The following RPL37 variants were observed in gnomAD, a reference collection of about 807,000 sequenced individuals.
The protein encoded by RPL37 is large ribosomal subunit protein eL37.
RPL37 carries 1 observed loss-of-function variant against 14.8 expected under a neutral mutation model. The ratio of observed to expected loss-of-function variants is 0.07; its 90% confidence interval spans 0.02 to 0.32. The LOEUF (loss-of-function observed/expected upper bound fraction) is 0.32, where lower values mean the gene tolerates loss of function less well. Among genes scored for constraint, RPL37 ranks in the 10% least tolerant of loss-of-function variants. The probability of loss-of-function intolerance (pLI) is 1.00; values close to 1 mark genes in which losing one functional copy is unlikely to be tolerated. For synonymous variants in RPL37, 53 were observed against 45.8 expected (o/e 1.16, Z -0.63); for missense variants, 100 against 128.3 (o/e 0.78, Z 1.06).
intron 1 of RPL37, chr5:40,834,879 A>G (rs1264817720): frequency 2.0e-5 from 12 of 605,940 alleles, no homozygotes; most frequent in Non-Finnish European, 3.5e-5. Flanking sequence ...ATTGTTACAC[A>G]GAGCCAAACA....
At position 40,826,588 on chromosome 5, in the gene RPL37, T is replaced by C. The variant is rs565034273; in HGVS notation, c.*5916A>G. 6.6e-6 allele frequency: 1 copy of C among 152,314 alleles called. No homozygotes were observed. Among genetic ancestry groups the C allele is most frequent in the Admixed American group, 6.5e-5 (1 of 15,296 alleles). The allele number at this position is 152,314 out of a possible 1,614,324, so 9.4% of individuals were successfully genotyped here. A position where few individuals can be genotyped will look rare whatever the true frequency, so the allele number is the denominator to read the frequency against. ...TCAGAGAGCTTTGAAATGTGTTTCG[T>C]ACAACCATTTAGCTGGGGAGCCCAG... On this transcript the variant is annotated 3_prime_UTR_variant, in exon 4 of 4. Coordinates refer to ENST00000274242, the MANE Select transcript of RPL37 (RefSeq NM_000997.5).
At position 40,829,684 on chromosome 5, in the gene RPL37, T is replaced by TAC. The variant is rs1745596936; in HGVS notation, c.*2819_*2820insGT. On this transcript the variant is annotated 3_prime_UTR_variant, in exon 4 of 4. Transcript: ENST00000274242. ...TAGTGTGTGTGTGTGTGTGTATATA[T>TAC]ATATATATATATATCAACAATATAT... 7 of 151,572 alleles carry TAC rather than the reference T, an allele frequency of 4.6e-5. No homozygotes were observed. The highest frequency in any genetic ancestry group is 1.7e-4 in the African/African-American group (7 of 41,230). 9.4% of individuals were successfully genotyped at this position (151,572 alleles called of 1,614,324 possible). A position where few individuals can be genotyped will look rare whatever the true frequency, so the allele number is the denominator to read the frequency against.
chr5:40,834,562 G>T lies in RPL37; in HGVS notation c.48C>A (p.His16Gln). The T allele has an allele frequency of 6.2e-7, 1 of 1,614,072 alleles. No homozygotes were observed. Among genetic ancestry groups the T allele is most frequent in the Non-Finnish European group, 8.5e-7 (1 of 1,180,006 alleles). Residue 16 changes from histidine (H) to glutamine (Q), a missense_variant, in exon 2 of 4, where the codon CAC (histidine) becomes CAA (glutamine). Coordinates refer to ENST00000274242, the MANE Select transcript of RPL37 (RefSeq NM_000997.5). ...SSFGKRRNKT[H>Q]TLCRRCGSKA... ...TAGAGCCACAGCGGCGGCACAACGT[G>T]TGCGTCTTATTGCGACGCTTTCCAA...
chr5:40,826,507 A>G lies in RPL37; in HGVS notation c.*5997T>C, dbSNP rs1206628854. The G allele has an allele frequency of 6.7e-6, 1 of 148,970 alleles. No individual in the cohort carries two copies. Among genetic ancestry groups the G allele is most frequent in the East Asian group, 2.0e-4 (1 of 5,128 alleles). The allele number at this position is 148,970 out of a possible 1,614,324, so 9.2% of individuals were successfully genotyped here. On this transcript the variant is annotated 3_prime_UTR_variant, in exon 4 of 4. Coordinates refer to ENST00000274242, the MANE Select transcript of RPL37 (RefSeq NM_000997.5). ...GTGCTCAATTCAGCCTTCTTGGACA[A>G]AGGAGTTACTACCTTCTACTTTGAA...
rs1403222794 is a variant in RPL37, at chr5:40,826,105, T to C, written c.*6399A>G. ...TTGTCTTTTTAAAAAATAACTTTCC[T>C]CCAAATAACTTACTAATTTTATTCA... On this transcript the variant is annotated 3_prime_UTR_variant, in exon 4 of 4. Coordinates refer to ENST00000274242, the MANE Select transcript of RPL37 (RefSeq NM_000997.5). 2 of 152,202 alleles carry C rather than the reference T, an allele frequency of 1.3e-5. No homozygotes were observed. Among genetic ancestry groups the C allele is most frequent in the Non-Finnish European group, 2.9e-5 (2 of 68,028 alleles). 9.4% of individuals were successfully genotyped at this position (152,202 alleles called of 1,614,324 possible).
rs1745615760 is a variant in RPL37 at position 40,830,329 on chromosome 5, G to A, written c.*2175C>T. On this transcript the variant is annotated 3_prime_UTR_variant, in exon 4 of 4. Coordinates refer to ENST00000274242, the MANE Select transcript of RPL37 (RefSeq NM_000997.5). The stretch of plus-strand genomic sequence containing the variant: ...AAGATAGAAATATAGACAATAGGTG[G>A]GGTGTGGTGGCTCGTCCCTGTAATC... 6.6e-6 allele frequency: 1 copy of A among 152,114 alleles called. No individual in the cohort carries two copies. The highest frequency in any genetic ancestry group is 2.4e-5 in the African/African-American group (1 of 41,402). The allele number at this position is 152,114 out of a possible 1,614,324, so 9.4% of individuals were successfully genotyped here. A position where few individuals can be genotyped will look rare whatever the true frequency, so the allele number is the denominator to read the frequency against.
At position 40,825,859 on chromosome 5, in the gene RPL37, C is replaced by T. The variant is rs912785986; in HGVS notation, c.*6645G>A. 5.3e-5 allele frequency: 8 copies of T among 152,296 alleles called. No homozygotes were observed. The highest frequency in any genetic ancestry group is 1.9e-4 in the African/African-American group (8 of 41,444). 9.4% of individuals were successfully genotyped at this position (152,296 alleles called of 1,614,324 possible). On this transcript the variant is annotated 3_prime_UTR_variant, in exon 4 of 4. Coordinates refer to ENST00000274242, the MANE Select transcript of RPL37 (RefSeq NM_000997.5). ...TAGCTGGGATTACAGGTGTGTGCCA[C>T]TGCACCTGGCTAATTTTTGTATTTT... is the stretch of plus-strand genomic sequence containing the variant.
rs1161631397 is a variant in RPL37 at position 40,831,085 on chromosome 5, T to C, written c.*1419A>G. Reference sequence around the variant, plus strand: ...GTTGAAACCCAGTCTCTACTAAGAATACAAAAAGAATTAGTCGAGTGAATC... The same window carrying C: ...GTTGAAACCCAGTCTCTACTAAGAACACAAAAAGAATTAGTCGAGTGAATC... On this transcript the variant is annotated 3_prime_UTR_variant, in exon 4 of 4. Coordinates refer to ENST00000274242, the MANE Select transcript of RPL37 (RefSeq NM_000997.5). The C allele has an allele frequency of 1.3e-5, 2 of 151,898 alleles. No individual in the cohort carries two copies. Among genetic ancestry groups the C allele is most frequent in the Non-Finnish European group, 2.9e-5 (2 of 68,014 alleles). 9.4% of individuals were successfully genotyped at this position (151,898 alleles called of 1,614,324 possible). A position where few individuals can be genotyped will look rare whatever the true frequency, so the allele number is the denominator to read the frequency against.
At chr5:40,834,447 G>C (rs1745717950) in intron 2 of RPL37, 24 bp downstream of exon 2, 1 of 1,608,012 alleles carries the variant, frequency 6.2e-7, no homozygotes, top group Admixed American at 1.7e-5. Context: ...AGCTAACACA[G>C]TTGGCCTGAA....
chr5:40,833,407 AATCTTAGCTGAG>A (rs562206420), intron 3 of RPL37, among the ~76,000 whole-genome samples: 32 of 152,240 alleles, frequency 2.1e-4, no homozygotes, highest in Non-Finnish European at 3.7e-4. Context: ...CATCATTCTG[AATCTTAGCTGAG>A]ATCTTAGATG....
intron 1 of RPL37, 149 bp downstream of exon 1, chr5:40,835,034 C>T (rs1280946222): frequency 1.9e-6 from 2 of 1,033,534 alleles, no homozygotes; most frequent in Non-Finnish European, 2.9e-6. Flanking sequence ...AGCAGTCATT[C>T]TTCTGGCTCT....
chr5:40,829,661 G>T lies in RPL37; in HGVS notation c.*2843C>A, dbSNP rs1321841047. ...GAAACTCATGCATTTATCCATCATA[G>T]TGTGTGTGTGTGTGTGTATATATAT... is the stretch of plus-strand genomic sequence containing the variant. On this transcript the variant is annotated 3_prime_UTR_variant, in exon 4 of 4. Transcript: ENST00000274242. 1.3e-4 allele frequency: 3 copies of T among 22,990 alleles called. No individual in the cohort carries two copies. The highest frequency in any genetic ancestry group is 3.3e-4 in the Non-Finnish European group (3 of 8,980). 1.4% of individuals were successfully genotyped at this position (22,990 alleles called of 1,614,324 possible). A position where few individuals can be genotyped will look rare whatever the true frequency, so the allele number is the denominator to read the frequency against.
In RPL37 at chr5:40,832,417, G is replaced by T; in HGVS notation, c.*87C>A. ...CTACAGTATTTCACTGATACTACAA[G>T]CCTAATTGATTAAAAATACCTTACC... On this transcript the variant is annotated 3_prime_UTR_variant, in exon 4 of 4. Transcript: ENST00000274242. The T allele has an allele frequency of 9.0e-7, 1 of 1,107,864 alleles. No homozygotes were observed. The highest frequency in any genetic ancestry group is 1.4e-6 in the Non-Finnish European group (1 of 720,854). 68.6% of individuals were successfully genotyped at this position (1,107,864 alleles called of 1,614,324 possible).
rs935796626 is a variant in RPL37 at position 40,826,558 on chromosome 5, G to C, written c.*5946C>G. 2 of 152,180 alleles carry C rather than the reference G, an allele frequency of 1.3e-5. No individual in the cohort carries two copies. The highest frequency in any genetic ancestry group is 2.4e-5 in the African/African-American group (1 of 41,452). The allele number at this position is 152,180 out of a possible 1,614,324, so 9.4% of individuals were successfully genotyped here. A position where few individuals can be genotyped will look rare whatever the true frequency, so the allele number is the denominator to read the frequency against. Reference sequence around the variant, plus strand: ...ACCCAGTGAAAGGAACTTCAAGGAAGCCCTTCAGAGAGCTTTGAAATGTGT... The same window carrying C: ...ACCCAGTGAAAGGAACTTCAAGGAACCCCTTCAGAGAGCTTTGAAATGTGT... On this transcript the variant is annotated 3_prime_UTR_variant, in exon 4 of 4. Transcript: ENST00000274242.
In RPL37 at chr5:40,828,178, A is replaced by C. The variant is rs971253858; in HGVS notation, c.*4326T>G. 1 of 152,214 alleles carries C rather than the reference A, an allele frequency of 6.6e-6. No homozygotes were observed. The highest frequency in any genetic ancestry group is 2.4e-5 in the African/African-American group (1 of 41,458). 9.4% of individuals were successfully genotyped at this position (152,214 alleles called of 1,614,324 possible). A position where few individuals can be genotyped will look rare whatever the true frequency, so the allele number is the denominator to read the frequency against. ...AAAAGGGCTGAATGATAAGTCATTC[A>C]GGTAAAGACAAAAGAATGGCTCCTT... On this transcript the variant is annotated 3_prime_UTR_variant, in exon 4 of 4. Transcript: ENST00000274242.
rs1561204509 is a variant in RPL37, at chr5:40,825,357, CTGTA to C, written c.*7143_*7146del. 6.6e-6 allele frequency: 1 copy of C among 151,804 alleles called. No individual in the cohort carries two copies. Among genetic ancestry groups the C allele is most frequent in the Non-Finnish European group, 1.5e-5 (1 of 67,946 alleles). The allele number at this position is 151,804 out of a possible 1,614,324, so 9.4% of individuals were successfully genotyped here. On this transcript the variant is annotated 3_prime_UTR_variant, in exon 4 of 4. Transcript: ENST00000274242. ...AATACATAACTTTAACAGATAATCT[CTGTA>C]TCTTAGTTTTTGCCTTTGCAAAACA...
At position 40,832,325 on chromosome 5, in the gene RPL37, A is replaced by T. The variant is rs1016225079; in HGVS notation, c.*179T>A. The T allele has an allele frequency of 1.5e-6, 1 of 661,728 alleles. No individual in the cohort carries two copies. The highest frequency in any genetic ancestry group is 2.3e-5 in the Admixed American group (1 of 44,046). The allele number at this position is 661,728 out of a possible 1,614,324, so 41.0% of individuals were successfully genotyped here. A position where few individuals can be genotyped will look rare whatever the true frequency, so the allele number is the denominator to read the frequency against. On this transcript the variant is annotated 3_prime_UTR_variant, in exon 4 of 4. Transcript: ENST00000274242. ...TTAACCGTGTTACAAACCCAGTCCA[A>T]AAGTAAACATTCCAAAACAGTCACT...
Position 40,827,476 on chromosome 5 carries a change from A to G in RPL37, c.*5028T>C, listed in dbSNP as rs1239801948. 2 of 152,230 alleles carry G rather than the reference A, an allele frequency of 1.3e-5. No homozygotes were observed. Among genetic ancestry groups the G allele is most frequent in the Admixed American group, 6.5e-5 (1 of 15,284 alleles). 9.4% of individuals were successfully genotyped at this position (152,230 alleles called of 1,614,324 possible). On this transcript the variant is annotated 3_prime_UTR_variant, in exon 4 of 4. Transcript: ENST00000274242. ...AAAACTGTTTTCGCAACTAATCATG[A>G]TGAAAATACTTTTTGTTATCTGTGA...
intron 1 of RPL37, among the ~76,000 whole-genome samples, 156 bp from the exon 2 acceptor site, chr5:40,834,762 T>C (rs3816959): frequency 0.38 from 57,752 of 152,182 alleles, 11,783 homozygotes; most frequent in Admixed American, 0.48. Context: ...CAGAGACCAC[T>C]ACCCGCATTT....
Sources: allele counts gnomAD v4.1 joint callset (sites outside exome capture counted in the v4.1 genomes callset), GRCh38; gene constraint gnomAD v4.1.1; transcripts MANE v1.5; gene names NCBI Gene and HGNC (gene_info 2026-07-23, HGNC 2026-07-21).